The following STK32C variants were observed in gnomAD, a reference collection of about 807,000 sequenced individuals.
STK32C encodes serine/threonine kinase 32C, also known as serine/threonine-protein kinase 32C.
A neutral mutation model predicts 56.5 loss-of-function variants in STK32C; 31 were observed. The ratio of observed to expected loss-of-function variants is 0.55; its 90% CI spans 0.41 to 0.74. The LOEUF (loss-of-function observed/expected upper bound fraction) is 0.74. Ranked by LOEUF, STK32C falls within the 30% of genes least tolerant of loss-of-function variation. STK32C has a pLI of 0.00. For missense variants in STK32C, 544 were observed against 676.9 expected (o/e 0.80, Z 2.18); for synonymous variants, 309 against 289.4 (o/e 1.07, Z -0.69).
rs540559584 is a variant in STK32C, at chr10:132,221,476, GGTGA to G, written c.1251+1161_1251+1164del. Among the ~76,000 whole-genome samples the G allele has an allele frequency of 8.0e-3, 1,097 of 137,518 alleles. 5 individuals carry two copies. The highest frequency in any genetic ancestry group is 0.011 in the Non-Finnish European group (709 of 64,690). 90.2% of individuals were successfully genotyped at this position (137,518 alleles called of 152,430 possible). A position where few individuals can be genotyped will look rare whatever the true frequency, so the allele number is the denominator to read the frequency against. On this transcript the variant is annotated intron_variant, in intron 10 of 11. Coordinates refer to ENST00000298630, the MANE Select transcript of STK32C (RefSeq NM_173575.4). ...CTCACAACTGACATCAACGCACCTG[GGTGA>G]GTGTGAGGGCTTCACGTGGCCATCC...
chr10:132,329,478 C>T (rs564078719), intron 1 of STK32C, among the ~76,000 whole-genome samples: 2 of 152,064 alleles, frequency 1.3e-5, no homozygotes. Context: ...AGAAAGAAAA[C>T]AGCCGTGAAC....
chr10:132,222,809 G>A lies in STK32C; in HGVS notation c.1120-37C>T, dbSNP rs746131807. 3 of 1,594,010 alleles carry A rather than the reference G, an allele frequency of 1.9e-6. No homozygotes were observed. The South Asian group carries it at 3.4e-5, about 18-fold the overall frequency. On this transcript the variant is annotated intron_variant, in intron 9 of 11. Coordinates refer to ENST00000298630, the MANE Select transcript of STK32C (RefSeq NM_173575.4). ...TGGGTGCTGAGCCCCGGCCCGTGGA[G>A]GACGCCACATCCATCCCCAGGGCCC...
rs772655351 is a variant in STK32C, at chr10:132,208,023, G to A, written c.1448C>T (p.Ala483Val). The change falls in exon 12 of 12, where the codon GCC becomes GTC. Residue 483 changes from alanine to valine, a missense_variant. By Grantham distance (64) the Ala-to-Val change is moderately conservative. Around this residue, in one of 3 missense-constraint regions of STK32C, gnomAD observed 277 missense variants for 309.3 expected, o/e 0.90. Coordinates refer to ENST00000298630, the MANE Select transcript of STK32C (RefSeq NM_173575.4). Reference sequence around the variant, plus strand: ...GGGCGTCCCGGCCTAGCCGCTCCCGGCCGAGGGGCAAATGGGGCCGCACAT... The same window carrying A: ...GGGCGTCCCGGCCTAGCCGCTCCCGACCGAGGGGCAAATGGGGCCGCACAT... Reference protein sequence around the residue: ...LPMCGPICPSAGSG With the variant: ...LPMCGPICPSVGSG 2.3e-6 allele frequency: 3 copies of A among 1,309,360 alleles called. No homozygotes were observed. The highest frequency in any genetic ancestry group is 3.2e-5 in the South Asian group (1 of 31,372). The allele number at this position is 1,309,360 out of a possible 1,614,324, so 81.1% of individuals were successfully genotyped here.
At position 132,274,171 on chromosome 10, in the gene STK32C, G is replaced by A. The variant is rs118144294; in HGVS notation, c.263-28216C>T. Among the ~76,000 whole-genome samples the A allele has an allele frequency of 9.3e-4, 142 of 152,340 alleles. 1 individual carries two copies. In the East Asian group the frequency reaches 0.026, roughly 28 times the overall value. Reference sequence around the variant, plus strand: ...TGCTCAGGACGGGACCAGACAGCAAGCACCATCCACGCTGGGTGTGGCCAC... The same window carrying A: ...TGCTCAGGACGGGACCAGACAGCAAACACCATCCACGCTGGGTGTGGCCAC... On this transcript the variant is annotated intron_variant, in intron 1 of 11. Coordinates refer to ENST00000298630, the MANE Select transcript of STK32C (RefSeq NM_173575.4).
chr10:132,273,375 G>A (rs956536961), intron 1 of STK32C, among the ~76,000 whole-genome samples: 6 of 152,194 alleles, frequency 3.9e-5, no homozygotes, highest in African/African-American at 1.4e-4. Context: ...AGATATCACT[G>A]CAGTACCTCC....
chr10:132,328,918 G>A lies in STK32C; in HGVS notation c.301+2518C>T, dbSNP rs375088699. Among the ~76,000 whole-genome samples, 792 of 152,322 alleles carry A rather than the reference G, an allele frequency of 5.2e-3. 1 individual carries two copies. The highest frequency in any genetic ancestry group is 6.8e-3 in the Non-Finnish European group (465 of 68,034). On this transcript the variant is annotated intron_variant, in intron 1 of 1. Coordinates refer to the STK32C transcript ENST00000368619. ...CACCCAAGCATGACCCCAAAAGGCT[G>A]GACGGAGGCTCCTGCCAGAGCATGA...
chr10:132,309,105 T>A (rs1349104792), upstream of STK32C, among the ~76,000 whole-genome samples: 1 of 152,170 alleles, frequency 6.6e-6, no homozygotes, highest in Non-Finnish European at 1.5e-5. Flanking sequence ...CCAAGGCCAG[T>A]GTCTCCCGCT....
At chr10:132,221,502 A>C (rs1180538574) in intron 10 of STK32C, among the ~76,000 whole-genome samples, 1 of 117,316 alleles carries the variant, frequency 8.5e-6, no homozygotes, top group African/African-American at 3.3e-5. Flanking sequence ...TCACGTGGCC[A>C]TCCCTGCACA....
intron 2 of STK32C, among the ~76,000 whole-genome samples, chr10:132,242,048 C>T (rs545147581): frequency 1.9e-4 from 29 of 151,520 alleles, no homozygotes; most frequent in South Asian, 6.2e-4. Context: ...AGGTGGATGT[C>T]GCAGTGAGCC....
intron 2 of STK32C, among the ~76,000 whole-genome samples, chr10:132,233,682 G>A (rs909118864): frequency 6.6e-6 from 1 of 152,240 alleles, no homozygotes; most frequent in Non-Finnish European, 1.5e-5. Flanking sequence ...TGTCCCAAGA[G>A]GCTGGGAACC....
At chr10:132,285,730 T>C (rs1456297315) in intron 1 of STK32C, among the ~76,000 whole-genome samples, 1 of 152,138 alleles carries the variant, frequency 6.6e-6, no homozygotes, top group Non-Finnish European at 1.5e-5. Context: ...CCAACAGACA[T>C]AGCGATAGAT....
chr10:132,237,683 C>T (rs2063343355), intron 2 of STK32C, among the ~76,000 whole-genome samples: 1 of 152,170 alleles, frequency 6.6e-6, no homozygotes, highest in Non-Finnish European at 1.5e-5. Flanking sequence ...CATCCCTCTG[C>T]CCCCAAGTGC....
intron 2 of STK32C, among the ~76,000 whole-genome samples, 158 bp downstream of exon 2, chr10:132,245,742 G>A (rs1227664582): frequency 6.6e-6 from 1 of 152,236 alleles, no homozygotes; most frequent in Non-Finnish European, 1.5e-5. Flanking sequence ...CGTGGCAGGA[G>A]TGCCCACGTC....
In STK32C at chr10:132,222,917, C is replaced by T. The variant is rs1456716370; in HGVS notation, c.1063G>A (p.Gly355Ser). The change falls in exon 9 of 12, where the codon GGC becomes AGC. Residue 355 changes from glycine to serine, a missense_variant. This residue lies in a region of STK32C where 277 missense variants were observed against 309.3 expected (regional missense o/e 0.90). Transcript: ENST00000298630. ...TCGCTCAGGTGGTCCCACAGCACGC[C>T]GGCCAGCGCCGGGGCTGCCTGCACG... Reference protein sequence around the residue: ...QDVQAAPALAGVLWDHLSEKR... With the variant: ...QDVQAAPALASVLWDHLSEKR... The T allele has an allele frequency of 1.5e-5, 23 of 1,560,052 alleles. No individual in the cohort carries two copies. The Admixed American group carries it at 2.1e-4, about 14-fold the overall frequency.
At chr10:132,229,458 C>G (rs1199752196) in intron 2 of STK32C, among the ~76,000 whole-genome samples, 1 of 152,236 alleles carries the variant, frequency 6.6e-6, no homozygotes, top group Non-Finnish European at 1.5e-5. Flanking sequence ...GACTGTACCA[C>G]TGAACTCAGC....
At chr10:132,245,300 A>G (rs1336004530) in intron 2 of STK32C, among the ~76,000 whole-genome samples, 1 of 152,238 alleles carries the variant, frequency 6.6e-6, no homozygotes, top group Non-Finnish European at 1.5e-5. Flanking sequence ...TGCGCGCAGA[A>G]GCCGGAGGGC....
At chr10:132,228,175 G>T in intron 2 of STK32C, 47 bp from the exon 3 acceptor site, 1 of 1,612,854 alleles carries the variant, frequency 6.2e-7, no homozygotes, top group Non-Finnish European at 8.5e-7. Flanking sequence ...GACGCCTGGG[G>T]ACACGTGGGG....
At chr10:132,274,702 A>G (rs1296205991) in intron 1 of STK32C, among the ~76,000 whole-genome samples, 1 of 152,170 alleles carries the variant, frequency 6.6e-6, no homozygotes, top group African/African-American at 2.4e-5. Flanking sequence ...GGCTGAGCGC[A>G]AACCTCAAAA....
chr10:132,212,461 A>G (rs2062338831), intron 10 of STK32C, among the ~76,000 whole-genome samples: 1 of 152,218 alleles, frequency 6.6e-6, no homozygotes, highest in Non-Finnish European at 1.5e-5. Flanking sequence ...CTGAAACTAT[A>G]CAAGACTTAG....
Sources: gnomAD v4.1 joint callset for allele counts (sites outside exome capture counted in the v4.1 genomes callset) on GRCh38, gnomAD v4.1.1 for gene constraint, gnomAD v4.1.1 regional missense constraint, MANE v1.5 for transcripts, NCBI Gene and HGNC (gene_info 2026-07-23, HGNC 2026-07-21) for gene names.